The following PIKFYVE variants were observed in gnomAD, a reference collection of about 807,000 sequenced individuals.
PIKFYVE encodes the protein 1-phosphatidylinositol 3-phosphate 5-kinase.
PIKFYVE carries 122 observed loss-of-function variants against 257.9 expected under a neutral mutation model. That is an observed-to-expected ratio of 0.47 (90% CI 0.41 to 0.55). The LOEUF (loss-of-function observed/expected upper bound fraction) is 0.55. Among genes scored for constraint, PIKFYVE ranks in the 20% least tolerant of loss-of-function variants. PIKFYVE has a pLI of 0.00. For synonymous variants in PIKFYVE, 892 were observed against 868.9 expected (o/e 1.03, Z -0.47); for missense variants, 2,160 against 2,536.6 (o/e 0.85, Z 3.19).
At chr2:208,275,359 T>A (rs1238664829) in intron 3 of PIKFYVE, among the ~76,000 whole-genome samples, 2 of 152,260 alleles carry the variant, frequency 1.3e-5, no homozygotes, top group Non-Finnish European at 2.9e-5. Context: ...TACTTTCTTA[T>A]ATTCCTAATT....
At chr2:208,313,052 A>T (rs192097517) in intron 13 of PIKFYVE, among the ~76,000 whole-genome samples, 1 of 152,232 alleles carries the variant, frequency 6.6e-6, no homozygotes, top group African/African-American at 2.4e-5. Context: ...TGAAATGTGC[A>T]ATTCTTGTAC....
chr2:208,266,101 C>T (rs1688579609), upstream of PIKFYVE: 1 of 152,412 alleles, frequency 6.6e-6, no homozygotes, highest in Admixed American at 6.5e-5. Flanking sequence ...GGCCTAATCT[C>T]GGCCAAAAGA....
chr2:208,304,828 C>T lies in PIKFYVE; in HGVS notation c.1469-18C>T, dbSNP rs1160045653. ...CCCTCCTCTCCCTATATTTCTTTCC[C>T]CTTCCCAACACTAAAAGATTCTGCC... is the stretch of plus-strand genomic sequence containing the variant. On this transcript the variant is annotated intron_variant, in intron 11 of 41. Coordinates refer to ENST00000264380, the MANE Select transcript of PIKFYVE (RefSeq NM_015040.4). The T allele has an allele frequency of 1.4e-5, 22 of 1,610,762 alleles. No individual in the cohort carries two copies. The highest frequency in any genetic ancestry group is 2.2e-5 in the East Asian group (1 of 44,876).
rs149730628 is a variant in PIKFYVE, at chr2:208,291,977, A to G, written c.911+3159A>G. 1.3e-3 allele frequency among the ~76,000 whole-genome samples: 198 copies of G among 152,204 alleles called. 4 individuals are homozygous for G. The East Asian group carries it at 0.036, about 28-fold the overall frequency. On this transcript the variant is annotated intron_variant, in intron 7 of 41. Coordinates refer to ENST00000264380, the MANE Select transcript of PIKFYVE (RefSeq NM_015040.4). ...CACTGCTTTCTGTTGCATTCCACGA[A>G]TTTAGTTAGGTTGTGTTTTCATTTT...
At position 208,356,756 on chromosome 2, in the gene PIKFYVE, CT is replaced by C. The variant is rs1177192172; in HGVS notation, c.*1454del. ...AAAGTGATCAGAAGTAGTAAACTAT[CT>C]TTGAGGAAATACTGTAACCCCAGAA... On this transcript the variant is annotated 3_prime_UTR_variant, in exon 42 of 42. Coordinates refer to ENST00000264380, the MANE Select transcript of PIKFYVE (RefSeq NM_015040.4). 2 of 152,620 alleles carry C rather than the reference CT, an allele frequency of 1.3e-5. No individual in the cohort carries two copies. The highest frequency in any genetic ancestry group is 2.9e-5 in the Non-Finnish European group (2 of 68,036). The allele number at this position is 152,620 out of a possible 1,614,324, so 9.5% of individuals were successfully genotyped here. A position where few individuals can be genotyped will look rare whatever the true frequency, so the allele number is the denominator to read the frequency against.
At chr2:208,305,099 C>G in intron 12 of PIKFYVE, 86 bp downstream of exon 12, 2 of 1,588,334 alleles carry the variant, frequency 1.3e-6, no homozygotes, top group Admixed American at 1.8e-5. Context: ...TTCTGGCTTC[C>G]TCTGTCCCAC....
intron 20 of PIKFYVE, 44 bp downstream of exon 20, chr2:208,326,473 G>A: frequency 6.3e-7 from 1 of 1,584,514 alleles, no homozygotes; most frequent in Non-Finnish European, 8.7e-7. Context: ...TTTAGGATGT[G>A]TTGAATGACT....
At chr2:208,273,458 G>T in intron 2 of PIKFYVE, 126 bp from the exon 3 acceptor site, 1 of 1,079,350 alleles carries the variant, frequency 9.3e-7, no homozygotes, top group Non-Finnish European at 1.4e-6. Flanking sequence ...AATGAAAAAG[G>T]AAAAAAAAAA....
rs1448699919 is a variant in PIKFYVE, at chr2:208,304,889, G to C, written c.1512G>C (p.Gln504His). ...PSKRTSVSSF[Q>H]STVDSDSAAS... ...AGCGCACATCAGTCAGCAGTTTCCA[G>C]TCCACAGTGGACAGTGACTCAGCCG... is the stretch of plus-strand genomic sequence containing the variant. Residue 504 changes from glutamine (Q) to histidine (H), a missense_variant, in exon 12 of 42, where the codon CAG becomes CAC. Coordinates refer to ENST00000264380, the MANE Select transcript of PIKFYVE (RefSeq NM_015040.4). 1.9e-6 allele frequency: 3 copies of C among 1,614,066 alleles called. No individual in the cohort carries two copies. In the South Asian group the frequency reaches 3.3e-5, roughly 18 times the overall value.
chr2:208,297,746 G>A (rs1485562843), intron 7 of PIKFYVE, among the ~76,000 whole-genome samples: 1 of 151,698 alleles, frequency 6.6e-6, no homozygotes, highest in African/African-American at 2.4e-5. Context: ...TATCCTTTAT[G>A]TGGAGGCTAA....
intron 10 of PIKFYVE, among the ~76,000 whole-genome samples, chr2:208,303,342 C>G (rs1368340965): frequency 2.0e-5 from 3 of 151,912 alleles, no homozygotes; most frequent in African/African-American, 7.3e-5. Flanking sequence ...GATACTGACC[C>G]CCTGTATAGT....
At chr2:208,285,125 C>T (rs999098955) in intron 5 of PIKFYVE, among the ~76,000 whole-genome samples, 2 of 152,174 alleles carry the variant, frequency 1.3e-5, no homozygotes, top group South Asian at 2.1e-4. Flanking sequence ...GACGGAGTTT[C>T]GTTCTTGTTG....
At chr2:208,272,089 G>T (rs1332579561) in intron 2 of PIKFYVE, among the ~76,000 whole-genome samples, 2 of 151,926 alleles carry the variant, frequency 1.3e-5, no homozygotes, top group Admixed American at 1.3e-4. Context: ...AAAAAAATTA[G>T]CCGGGCATGG....
In PIKFYVE at chr2:208,301,063, T is replaced by G; in HGVS notation, c.1177T>G (p.Trp393Gly). ...CATTGTAGGAAAGGAATTAGTCAAC[T>G]GGCTAATCCGAAATGGGCATATTGC... is the stretch of plus-strand genomic sequence containing the variant. Reference protein sequence around the residue: ...NCIVGKELVNWLIRNGHIATR... With the variant: ...NCIVGKELVNGLIRNGHIATR... Residue 393 changes from tryptophan (W) to glycine (G), a missense_variant, in exon 9 of 42, where the codon TGG (tryptophan) becomes GGG (glycine). Transcript: ENST00000264380. The G allele has an allele frequency of 6.2e-7, 1 of 1,614,156 alleles. No homozygotes were observed. The highest frequency in any genetic ancestry group is 8.5e-7 in the Non-Finnish European group (1 of 1,179,988).
rs1423520798 is a variant in PIKFYVE, at chr2:208,353,961, T to C, written c.5908T>C (p.Cys1970Arg). 6.2e-7 allele frequency: 1 copy of C among 1,613,924 alleles called. No individual in the cohort carries two copies. The highest frequency in any genetic ancestry group is 8.5e-7 in the Non-Finnish European group (1 of 1,179,948). ...AAAAACTGACACTGGAAAAGAGAGT[T>C]GTGATGTGGTCCTGCTAGATGAAAA... ...NVKTDTGKES[C>R]DVVLLDENLL... The change falls in exon 40 of 42, where the codon TGT becomes CGT. Residue 1970 changes from cysteine (C) to arginine (R), a missense_variant. Around this residue, in one of 12 missense-constraint regions of PIKFYVE, gnomAD observed 699 missense variants for 855.8 expected, o/e 0.82. Transcript: ENST00000264380.
chr2:208,269,803 A>G (rs1257977362), intron 1 of PIKFYVE: 6 of 248,684 alleles, frequency 2.4e-5, no homozygotes, highest in Admixed American at 4.5e-5. Context: ...GGAGAGATCA[A>G]CTGGGGGCTC....
At position 208,288,796 on chromosome 2, in the gene PIKFYVE, G is replaced by C. The variant is rs761785505; in HGVS notation, c.889G>C (p.Gly297Arg). The part of the protein sequence containing the change: ...TRLVSVQEDA[G>R]KSPARNRSAS... ...ACTTGTATCTGTGCAAGAGGATGCT[G>C]GGAAATCTCCTGCTCGAAATAGGTA... Residue 297 changes from glycine (G) to arginine (R), a missense_variant, in exon 7 of 42, where the codon GGG becomes CGG. By Grantham distance (125) the Gly-to-Arg change is moderately radical (BLOSUM62 -2). This residue lies in a region of PIKFYVE where 187 missense variants were observed against 185.6 expected (regional missense o/e 1.01). Transcript: ENST00000264380. 8.7e-6 allele frequency: 14 copies of C among 1,613,860 alleles called. No homozygotes were observed. In the East Asian group the frequency reaches 1.6e-4, roughly 18 times the overall value.
chr2:208,288,966 T>C, intron 7 of PIKFYVE, 148 bp downstream of exon 7: 1 of 1,099,510 alleles, frequency 9.1e-7, no homozygotes, highest in African/African-American at 1.6e-5. Flanking sequence ...TTCTTTTTGC[T>C]ATTCAGCCCT....
In PIKFYVE at chr2:208,329,887, A is replaced by T; in HGVS notation, c.3765A>T (p.Gly1255=). 6.2e-7 allele frequency: 1 copy of T among 1,610,702 alleles called. No individual in the cohort carries two copies. Among genetic ancestry groups the T allele is most frequent in the Non-Finnish European group, 8.5e-7 (1 of 1,177,722 alleles). ...EFYGKNDLTL[G]IFLERYCFRP... ...ATGGAAAGAATGATCTTACATTAGG[A>T]ATATTTTTAGAGAGATACTGTTTCA... is the stretch of plus-strand genomic sequence containing the variant. Residue 1255 remains glycine (G), a synonymous_variant, in exon 22 of 42, where the codon GGA becomes GGT. Transcript: ENST00000264380.
Sources: gnomAD v4.1 joint callset for allele counts (sites outside exome capture counted in the v4.1 genomes callset) on GRCh38, gnomAD v4.1.1 for gene constraint, gnomAD v4.1.1 regional missense constraint, MANE v1.5 for transcripts, NCBI Gene and HGNC (gene_info 2026-07-23, HGNC 2026-07-21) for gene names.